The following UHRF2 variants were observed in gnomAD, a reference collection of about 807,000 sequenced individuals.
UHRF2 encodes the protein ubiquitin like with PHD and ring finger domains 2.
Under a neutral mutation model 96.8 loss-of-function variants are expected in UHRF2, and 23 were observed. The ratio of observed to expected loss-of-function variants is 0.24; its 90% CI spans 0.17 to 0.34. The LOEUF is 0.34. Ranked by LOEUF, UHRF2 falls within the 10% of genes least tolerant of loss-of-function variation. The pLI, the probability that UHRF2 is intolerant of heterozygous loss-of-function variation, is 1.00. For synonymous variants in UHRF2, 385 were observed against 332.6 expected (o/e 1.16, Z -1.72); for missense variants, 685 against 981.5 (o/e 0.70, Z 4.04).
intron 2 of UHRF2, among the ~76,000 whole-genome samples, chr9:6,430,659 C>T (rs1820514465): frequency 1.3e-5 from 2 of 152,260 alleles, no homozygotes; most frequent in South Asian, 4.1e-4. Flanking sequence ...TCACCCACAG[C>T]CAGGTACCAA....
chr9:6,414,527 C>G (rs1819478108), intron 1 of UHRF2, among the ~76,000 whole-genome samples: 1 of 152,168 alleles, frequency 6.6e-6, no homozygotes. Context: ...TCCTATTCCA[C>G]AAGTCTCTTA....
intron 13 of UHRF2, 100 bp from the exon 14 acceptor site, chr9:6,500,452 C>T (rs1325371880): frequency 1.9e-6 from 2 of 1,032,328 alleles, no homozygotes; most frequent in Non-Finnish European, 2.7e-6. Context: ...TGTTGGTTAT[C>T]TTTCTGCTAA....
intron 3 of UHRF2, among the ~76,000 whole-genome samples, chr9:6,448,818 G>C (rs1391088780): frequency 1.3e-5 from 2 of 152,208 alleles, no homozygotes; most frequent in Non-Finnish European, 2.9e-5. Flanking sequence ...TGTAAGCCTT[G>C]AATGTCACCT....
At chr9:6,451,847 G>C (rs13440427) in intron 3 of UHRF2, among the ~76,000 whole-genome samples, 31,361 of 151,412 alleles carry the variant, frequency 0.21, 3,616 homozygotes, top group African/African-American at 0.29. Flanking sequence ...GCAGTGGCAC[G>C]ATCTGGGCTC....
intron 3 of UHRF2, among the ~76,000 whole-genome samples, chr9:6,435,901 G>A (rs772016752): frequency 3.3e-5 from 5 of 152,132 alleles, no homozygotes; most frequent in African/African-American, 9.7e-5. Flanking sequence ...GAGCCACCAC[G>A]ACCGGCCCAA....
chr9:6,463,585 C>G (rs771475813), intron 4 of UHRF2, among the ~76,000 whole-genome samples: 1 of 151,792 alleles, frequency 6.6e-6, no homozygotes, highest in East Asian at 1.9e-4. Flanking sequence ...GTTCTCCTGC[C>G]GCAGCCACCG....
intron 2 of UHRF2, among the ~76,000 whole-genome samples, chr9:6,428,871 A>C (rs1403269606): frequency 6.6e-6 from 1 of 152,116 alleles, no homozygotes; most frequent in Non-Finnish European, 1.5e-5. Context: ...TTTGTGATTA[A>C]AGAAAGATGG....
Position 6,413,218 on chromosome 9 carries a change from G to A in UHRF2, c.-273G>A, listed in dbSNP as rs1466244358. 3 of 166,394 alleles carry A rather than the reference G, an allele frequency of 1.8e-5. No homozygotes were observed. Among genetic ancestry groups the A allele is most frequent in the Non-Finnish European group, 2.6e-5 (2 of 77,504 alleles). The allele number at this position is 166,394 out of a possible 1,614,324, so 10.3% of individuals were successfully genotyped here. ...AGCTCTATAAGTAAACACTCTGCGC[G>A]GCGCAGACATGGCCTCTTCCTATCT... On this transcript the variant is annotated 5_prime_UTR_variant, in exon 1 of 16. Transcript: ENST00000276893.
At chr9:6,495,823 T>C (rs1034421069) in intron 10 of UHRF2, 1 of 152,224 alleles carries the variant, frequency 6.6e-6, no homozygotes, top group Non-Finnish European at 1.5e-5. Context: ...ACTGAAGGTA[T>C]CTGTGAGCAT....
At chr9:6,466,038 T>A (rs1822838196) in intron 4 of UHRF2, among the ~76,000 whole-genome samples, 1 of 152,260 alleles carries the variant, frequency 6.6e-6, no homozygotes, top group South Asian at 2.1e-4. Flanking sequence ...GAAGTTATGC[T>A]GATTTAGATA....
At chr9:6,442,570 C>G (rs1263480288) in intron 3 of UHRF2, among the ~76,000 whole-genome samples, 1 of 152,074 alleles carries the variant, frequency 6.6e-6, no homozygotes, top group African/African-American at 2.4e-5. Flanking sequence ...CCTCGACTTT[C>G]TGGGCTGAAG....
At chr9:6,434,684 C>T (rs1024345396) in intron 3 of UHRF2, among the ~76,000 whole-genome samples, 1 of 152,120 alleles carries the variant, frequency 6.6e-6, no homozygotes, top group Non-Finnish European at 1.5e-5. Flanking sequence ...AGTGATCTGC[C>T]CCCCTTGGCC....
rs147971931 is a variant in UHRF2, at chr9:6,421,018, T to C, written c.260T>C (p.Ile87Thr). 1.9e-6 allele frequency: 3 copies of C among 1,614,170 alleles called. 1 individual carries two copies. The highest frequency in any genetic ancestry group is 3.3e-4 in the Middle Eastern group (2 of 6,062). The change falls in exon 2 of 16, where the codon ATT (isoleucine) becomes ACT (threonine). Residue 87 changes from isoleucine (I) to threonine (T), a missense_variant. Ile to Thr is a moderately conservative substitution (Grantham distance 89). Transcript: ENST00000276893. ...CATCTTCCTGGCACATCTACACAGA[T>C]TGAGGCTAAACCCTGTTCTAATAGT... Reference protein sequence around the residue: ...PDHLPGTSTQIEAKPCSNSPP... With the variant: ...PDHLPGTSTQTEAKPCSNSPP...
chr9:6,497,714 A>G (rs187211046), intron 11 of UHRF2, among the ~76,000 whole-genome samples: 278 of 152,278 alleles, frequency 1.8e-3, no homozygotes, highest in Admixed American at 3.4e-3. Flanking sequence ...ACATCATAGT[A>G]ATAGATTTTC....
At chr9:6,487,388 C>T (rs781190261) in intron 9 of UHRF2, among the ~76,000 whole-genome samples, 26 of 151,472 alleles carry the variant, frequency 1.7e-4, no homozygotes, top group African/African-American at 6.1e-4. Flanking sequence ...TTTTTTGAGG[C>T]GGAGTTTTAC....
chr9:6,461,014 T>C (rs987401825), intron 4 of UHRF2, among the ~76,000 whole-genome samples: 5 of 152,232 alleles, frequency 3.3e-5, no homozygotes, highest in Non-Finnish European at 7.3e-5. Flanking sequence ...GGAAGAATGT[T>C]GGAAATAACT....
chr9:6,428,693 G>A (rs1341464509), intron 2 of UHRF2, among the ~76,000 whole-genome samples: 1 of 151,828 alleles, frequency 6.6e-6, no homozygotes, highest in African/African-American at 2.4e-5. Flanking sequence ...GGGACTACAG[G>A]TCTGTGCCAC....
rs1164046801 is a variant in UHRF2, at chr9:6,504,486, ATTTGAATTATTCTCTACTAGCTGT to A, written c.2164-100_2164-77del. 22 of 651,268 alleles carry A rather than the reference ATTTGAATTATTCTCTACTAGCTGT, an allele frequency of 3.4e-5. No homozygotes were observed. In the East Asian group the frequency reaches 6.2e-4, roughly 18 times the overall value. 40.3% of individuals were successfully genotyped at this position (651,268 alleles called of 1,614,324 possible). A position where few individuals can be genotyped will look rare whatever the true frequency, so the allele number is the denominator to read the frequency against. On this transcript the variant is annotated intron_variant, in intron 14 of 15. Transcript: ENST00000276893. The stretch of plus-strand genomic sequence containing the variant: ...TATAAACATCTTTTATGCTGGGAAC[ATTTGAATTATTCTCTACTAGCTGT>A]TTTGAAATACACAGTAGATGAATTT...
chr9:6,446,509 G>T (rs1048065996), intron 3 of UHRF2, among the ~76,000 whole-genome samples: 2 of 151,794 alleles, frequency 1.3e-5, no homozygotes, highest in Non-Finnish European at 2.9e-5. Context: ...TCAAACTCCT[G>T]GGCTGAAGTG....
Sources: gnomAD v4.1 joint callset for allele counts (sites outside exome capture counted in the v4.1 genomes callset) on GRCh38, gnomAD v4.1.1 for gene constraint, MANE v1.5 for transcripts, NCBI Gene and HGNC (gene_info 2026-07-23, HGNC 2026-07-21) for gene names.